Variants in NRXN3 observed in about 807,000 individuals in gnomAD.
NRXN3 encodes the protein neurexin III.
Under a neutral mutation model 137.6 loss-of-function variants are expected in NRXN3, and 32 were observed. The ratio of observed to expected loss-of-function variants is 0.23; its 90% confidence interval spans 0.18 to 0.31. The LOEUF (loss-of-function observed/expected upper bound fraction) is 0.31. NRXN3 is among the 10% of genes least tolerant of loss of function. The pLI, the probability that NRXN3 is intolerant of heterozygous loss-of-function variation, is 1.00. For synonymous variants in NRXN3, 798 were observed against 784.5 expected (o/e 1.02, Z -0.29); for missense variants, 1,574 against 2,062.5 (o/e 0.76, Z 4.59).
At chr14:78,523,720 G>A (rs999801023) in intron 4 of NRXN3, among the ~76,000 whole-genome samples, 17 of 148,814 alleles carry the variant, frequency 1.1e-4, no homozygotes, top group Non-Finnish European at 2.5e-4. Flanking sequence ...GGGAGGCTGA[G>A]GCAGGAGAAT....
rs2099418343 is a variant in NRXN3 at position 79,867,074 on chromosome 14, T to C, written c.*5110T>C. The C allele has an allele frequency of 6.6e-6, 1 of 152,256 alleles. No individual in the cohort carries two copies. The highest frequency in any genetic ancestry group is 2.4e-5 in the African/African-American group (1 of 41,464). The allele number at this position is 152,256 out of a possible 1,614,324, so 9.4% of individuals were successfully genotyped here. On this transcript the variant is annotated 3_prime_UTR_variant, in exon 21 of 21. Transcript: ENST00000335750. ...GTGAGGGCACGTATTTTTCTAATTGTGTTTATTACAAAGAAAACAGACCCG... is the reference window on the plus strand; with the variant it reads ...GTGAGGGCACGTATTTTTCTAATTGCGTTTATTACAAAGAAAACAGACCCG...
intron 4 of NRXN3, among the ~76,000 whole-genome samples, chr14:78,617,306 A>C (rs1225728189): frequency 6.6e-6 from 1 of 152,170 alleles, no homozygotes; most frequent in Non-Finnish European, 1.5e-5. Flanking sequence ...GCAGGAGAGA[A>C]TACACATCTC....
At chr14:78,794,122 C>T (rs926978000) in intron 8 of NRXN3, among the ~76,000 whole-genome samples, 3 of 152,052 alleles carry the variant, frequency 2.0e-5, no homozygotes, top group East Asian at 1.9e-4. Flanking sequence ...GGCTCAAACC[C>T]GTAATCACAA....
chr14:78,936,668 G>A (rs2099340290), intron 10 of NRXN3, among the ~76,000 whole-genome samples: 2 of 152,162 alleles, frequency 1.3e-5, no homozygotes, highest in African/African-American at 4.8e-5. Flanking sequence ...AATATGTGCA[G>A]TGTATCATGT....
At chr14:79,787,794 T>A (rs142547340) in intron 19 of NRXN3, among the ~76,000 whole-genome samples, 96 of 152,290 alleles carry the variant, frequency 6.3e-4, no homozygotes, top group African/African-American at 2.2e-3. Flanking sequence ...ATTTAAAAAA[T>A]TTTATTCATC....
chr14:79,030,523 A>G (rs1002922070), intron 15 of NRXN3, among the ~76,000 whole-genome samples: 5 of 151,942 alleles, frequency 3.3e-5, no homozygotes, highest in African/African-American at 1.2e-4. Context: ...TCTACAATTC[A>G]ATCTTTTTTA....
intron 15 of NRXN3, among the ~76,000 whole-genome samples, chr14:79,299,957 T>G (rs911590043): frequency 4.6e-5 from 7 of 152,106 alleles, no homozygotes; most frequent in Non-Finnish European, 1.0e-4. Flanking sequence ...TATAAGACAT[T>G]GTGCAGTATA....
chr14:78,647,787 G>A (rs1216927539), intron 5 of NRXN3, among the ~76,000 whole-genome samples: 1 of 152,138 alleles, frequency 6.6e-6, no homozygotes, highest in Non-Finnish European at 1.5e-5. Flanking sequence ...AATAATATAA[G>A]ATTATTATTT....
chr14:79,578,088 G>C (rs1257733495), intron 16 of NRXN3, among the ~76,000 whole-genome samples: 1 of 152,170 alleles, frequency 6.6e-6, no homozygotes, highest in Admixed American at 6.5e-5. Context: ...AAGTTCAGGG[G>C]TTTCTCCAAA....
At position 78,750,921 on chromosome 14, in the gene NRXN3, G is replaced by A. The variant is rs528046400; in HGVS notation, c.2044+35782G>A. Among the ~76,000 whole-genome samples the A allele has an allele frequency of 2.0e-4, 31 of 152,246 alleles. 1 individual carries two copies. Among genetic ancestry groups the A allele is most frequent in the African/African-American group, 7.2e-4 (30 of 41,544 alleles). On this transcript the variant is annotated intron_variant, in intron 8 of 20. Transcript: ENST00000335750. ...AGGACCCCAGGGGAACAGTTTCCCA[G>A]AATTCTACCATGACAATTTCACAAT...
chr14:79,765,577 C>T (rs997690858), intron 19 of NRXN3, among the ~76,000 whole-genome samples: 12 of 152,178 alleles, frequency 7.9e-5, no homozygotes, highest in Admixed American at 1.3e-4. Flanking sequence ...ATGCCTTCAC[C>T]GTGCTCTATT....
At chr14:78,646,076 T>C (rs914571269) in intron 5 of NRXN3, among the ~76,000 whole-genome samples, 3 of 151,930 alleles carry the variant, frequency 2.0e-5, no homozygotes, top group Non-Finnish European at 4.4e-5. Flanking sequence ...CTGGGAGGCC[T>C]GGAAAGTGGA....
intron 10 of NRXN3, among the ~76,000 whole-genome samples, chr14:78,898,105 C>CT (rs767682209): frequency 9.5e-4 from 144 of 151,916 alleles, no homozygotes; most frequent in Admixed American, 2.4e-3. Context: ...TCCCTTCCTT[C>CT]TTTTTTAATA....
chr14:78,913,494 G>A (rs997319361), intron 10 of NRXN3, among the ~76,000 whole-genome samples: 3 of 151,456 alleles, frequency 2.0e-5, no homozygotes, highest in African/African-American at 7.3e-5. Context: ...TGGCCAGGAT[G>A]GTCTCGATCT....
chr14:79,094,977 A>T (rs56835035), intron 15 of NRXN3, among the ~76,000 whole-genome samples: 47,576 of 98,116 alleles, frequency 0.48, 8,424 homozygotes, highest in Admixed American at 0.58. Context: ...AGAGAGAGAG[A>T]GAGTGTGTGT....
intron 7 of NRXN3, among the ~76,000 whole-genome samples, chr14:78,712,525 AC>A (rs60888253): frequency 6.6e-6 from 1 of 152,224 alleles, no homozygotes; most frequent in East Asian, 1.9e-4. Context: ...TCTTGTGTTG[AC>A]TTTGCACTTT....
intron 4 of NRXN3, among the ~76,000 whole-genome samples, chr14:78,540,482 C>T (rs1600161118): frequency 7.0e-6 from 1 of 142,846 alleles, no homozygotes; most frequent in African/African-American, 2.5e-5. Context: ...GATCTTCCTC[C>T]ATTCCTCTAT....
intron 19 of NRXN3, among the ~76,000 whole-genome samples, chr14:79,698,226 C>T (rs1267669052): frequency 2.6e-5 from 4 of 151,960 alleles, no homozygotes; most frequent in Non-Finnish European, 5.9e-5. Flanking sequence ...GAAATACTCT[C>T]TCCTTTAATT....
At position 78,716,341 on chromosome 14, in the gene NRXN3, G is replaced by A. The variant is rs571709780; in HGVS notation, c.2044+1202G>A. Among the ~76,000 whole-genome samples, 6 of 152,310 alleles carry A rather than the reference G, an allele frequency of 3.9e-5. No individual in the cohort carries two copies. In the East Asian group the frequency reaches 1.2e-3, roughly 29 times the overall value. On this transcript the variant is annotated intron_variant, in intron 8 of 20. Coordinates refer to ENST00000335750, the MANE Select transcript of NRXN3 (RefSeq NM_001330195.2). Reference sequence around the variant, plus strand: ...CAGGCTGTCAACTTCTATATTCAATGAAAGGATAATTTGCATCAGGATCAA... The same window carrying A: ...CAGGCTGTCAACTTCTATATTCAATAAAAGGATAATTTGCATCAGGATCAA...
Sources: gnomAD v4.1 joint callset for allele counts (sites outside exome capture counted in the v4.1 genomes callset) on GRCh38, gnomAD v4.1.1 for gene constraint, MANE v1.5 for transcripts, NCBI Gene and HGNC (gene_info 2026-07-23, HGNC 2026-07-21) for gene names.